Variants in ZNF106 observed in about 807,000 individuals in gnomAD.
ZNF106 encodes zinc finger protein 106.
ZNF106 carries 67 observed loss-of-function variants against 195.1 expected under a neutral mutation model. That is an observed-to-expected ratio of 0.34 (90% CI 0.28 to 0.42). ZNF106 has a LOEUF of 0.42. Ranked by LOEUF, ZNF106 falls within the 10% of genes least tolerant of loss-of-function variation. The probability of loss-of-function intolerance (pLI) is 1.00; values close to 1 mark genes in which losing one functional copy is unlikely to be tolerated. For synonymous variants in ZNF106, 784 were observed against 818.6 expected, an observed-to-expected ratio of 0.96 and a Z score of 0.72; for missense variants, 2,118 against 2,304.5, an observed-to-expected ratio of 0.92 and a Z score of 1.66.
At chr15:42,465,479 G>A (rs965716189) in intron 3 of ZNF106, among the ~76,000 whole-genome samples, 4 of 150,236 alleles carry the variant, frequency 2.7e-5, no homozygotes, top group Non-Finnish European at 3.0e-5. Flanking sequence ...GTCTTTCTAC[G>A]TTGCCCAGGC....
chr15:42,439,844 CT>C, intron 10 of ZNF106, 31 bp from the exon 11 acceptor site: 3 of 1,493,232 alleles, frequency 2.0e-6, no homozygotes, highest in Non-Finnish European at 2.7e-6. Flanking sequence ...TTATTGCATC[CT>C]TTTTTGTGTT....
chr15:42,435,463 A>C lies in ZNF106; in HGVS notation c.4802T>G (p.Leu1601Arg). ...EGHTSKVNCL[L>R]VTQTSGKNAA... is the part of the protein sequence containing the mutation. ...ATTCTTCCCGGAGGTCTGAGTAACC[A>C]GGAGGCAGTTAACTTTGGAGGTATG... is the stretch of plus-strand genomic sequence containing the variant. Residue 1601 changes from leucine (L) to arginine (R), a missense_variant, in exon 14 of 22, where the codon CTG becomes CGG. By Grantham distance (102) the Leu-to-Arg change is moderately radical. Transcript: ENST00000564754. 1 of 1,614,240 alleles carries C rather than the reference A, an allele frequency of 6.2e-7. No homozygotes were observed. Among genetic ancestry groups the C allele is most frequent in the Non-Finnish European group, 8.5e-7 (1 of 1,180,042 alleles).
chr15:42,489,667 AG>A (rs1157896353), intron 1 of ZNF106, among the ~76,000 whole-genome samples: 7 of 152,354 alleles, frequency 4.6e-5, no homozygotes, highest in African/African-American at 1.4e-4. Flanking sequence ...ACCAAACTTG[AG>A]AACGGGGCTT....
chr15:42,438,902 A>G lies in ZNF106; in HGVS notation c.4544+131T>C, dbSNP rs534178398. 51 of 1,090,564 alleles carry G rather than the reference A, an allele frequency of 4.7e-5. No homozygotes were observed. The Admixed American group carries it at 1.1e-3, about 24-fold the overall frequency. The allele number at this position is 1,090,564 out of a possible 1,614,324, so 67.6% of individuals were successfully genotyped here. Reference sequence around the variant, plus strand: ...TCTACTGCTGAGCTTTAATTTTTCCATATCCACAATCTCTACTGCATTCAC... The same window carrying G: ...TCTACTGCTGAGCTTTAATTTTTCCGTATCCACAATCTCTACTGCATTCAC... On this transcript the variant is annotated intron_variant, in intron 11 of 21. Transcript: ENST00000564754.
At chr15:42,433,341 G>A (rs1249759982) in intron 14 of ZNF106, among the ~76,000 whole-genome samples, 1 of 151,838 alleles carries the variant, frequency 6.6e-6, no homozygotes, top group Non-Finnish European at 1.5e-5. Flanking sequence ...TCCTGACCTC[G>A]TGATCCGCCC....
intron 2 of ZNF106, among the ~76,000 whole-genome samples, chr15:42,471,069 C>G (rs2056654397): frequency 6.6e-6 from 1 of 152,160 alleles, no homozygotes; most frequent in Non-Finnish European, 1.5e-5. Flanking sequence ...AATTACAGTC[C>G]TGCTATTCCC....
At chr15:42,421,816 C>A in intron 19 of ZNF106, 101 bp downstream of exon 19, 1 of 899,744 alleles carries the variant, frequency 1.1e-6, no homozygotes, top group Non-Finnish European at 1.6e-6. Context: ...AGGTACTTAA[C>A]AATGAGGCAT....
chr15:42,432,429 A>G (rs2055083470), intron 14 of ZNF106, among the ~76,000 whole-genome samples: 1 of 152,160 alleles, frequency 6.6e-6, no homozygotes, highest in Non-Finnish European at 1.5e-5. Flanking sequence ...AAAGTGGGAT[A>G]CAGGCATGAG....
rs774781025 is a variant in ZNF106 at position 42,484,933 on chromosome 15, C to T, written c.-33+6047G>A. 9.2e-5 allele frequency among the ~76,000 whole-genome samples: 14 copies of T among 152,204 alleles called. No individual in the cohort carries two copies. The East Asian group carries it at 1.4e-3, about 15-fold the overall frequency. ...CCAGCACCTGGGAAGCGGAGGCGGG[C>T]GGATCGGTAGAGTCCAGGAGTTCAA... On this transcript the variant is annotated intron_variant, in intron 1 of 21. Coordinates refer to ENST00000564754, the MANE Select transcript of ZNF106 (RefSeq NM_001366845.3).
At chr15:42,445,364 T>G (rs1193005345) in intron 7 of ZNF106, among the ~76,000 whole-genome samples, 2 of 152,218 alleles carry the variant, frequency 1.3e-5, no homozygotes, top group African/African-American at 2.4e-5. Context: ...ACTCTAGACC[T>G]AGACTGCTTG....
At chr15:42,470,276 A>G (rs2056635483) in intron 2 of ZNF106, among the ~76,000 whole-genome samples, 1 of 152,174 alleles carries the variant, frequency 6.6e-6, no homozygotes, top group Admixed American at 6.5e-5. Flanking sequence ...TTTCTCCTCC[A>G]TAGTTTATTT....
chr15:42,483,384 C>A (rs926746957), intron 1 of ZNF106, among the ~76,000 whole-genome samples: 1 of 152,146 alleles, frequency 6.6e-6, no homozygotes, highest in African/African-American at 2.4e-5. Context: ...GAAGACATAT[C>A]CTCCATCATG....
chr15:42,446,406 C>CAG, intron 7 of ZNF106, among the ~76,000 whole-genome samples, 183 bp downstream of exon 7: 1 of 152,160 alleles, frequency 6.6e-6, no homozygotes, highest in South Asian at 2.1e-4. Flanking sequence ...TATAGCTAGA[C>CAG]CCTGTCTCTA....
At position 42,449,647 on chromosome 15, in the gene ZNF106, T is replaced by C. The variant is rs746103831; in HGVS notation, c.2501+124A>G. 181 of 1,302,460 alleles carry C rather than the reference T, an allele frequency of 1.4e-4. No homozygotes were observed. The highest frequency in any genetic ancestry group is 1.9e-4 in the Non-Finnish European group (176 of 948,748). 80.7% of individuals were successfully genotyped at this position (1,302,460 alleles called of 1,614,324 possible). ...CACTATTTGATATTAAATCAAGACATCTACAACAGATATTGTTGGCAAACA... is the reference window on the plus strand; with the variant it reads ...CACTATTTGATATTAAATCAAGACACCTACAACAGATATTGTTGGCAAACA... On this transcript the variant is annotated intron_variant, in intron 5 of 21. Transcript: ENST00000564754.
At chr15:42,471,543 C>T (rs2056668973) in intron 2 of ZNF106, among the ~76,000 whole-genome samples, 1 of 152,094 alleles carries the variant, frequency 6.6e-6, no homozygotes, top group Non-Finnish European at 1.5e-5. Flanking sequence ...CCAGCCTGTG[C>T]AACATGGTGA....
chr15:42,457,007 A>C lies in ZNF106; in HGVS notation c.268T>G (p.Phe90Val). The C allele has an allele frequency of 2.5e-6, 4 of 1,611,716 alleles. No homozygotes were observed. Among genetic ancestry groups the C allele is most frequent in the Non-Finnish European group, 2.5e-6 (3 of 1,178,612 alleles). Reference protein sequence around the residue: ...GKGEEEEEDYFDKELIQLIKQ... With the variant: ...GKGEEEEEDYVDKELIQLIKQ... ...ATTAACTGAATGAGTTCCTTGTCAA[A>C]ATAATCTTCTTCCTCTTCCTCTCCT... Residue 90 changes from phenylalanine (F) to valine (V), a missense_variant, in exon 4 of 22, where the codon TTT becomes GTT. By Grantham distance (50) the Phe-to-Val change is conservative. Transcript: ENST00000564754.
Position 42,422,609 on chromosome 15 carries a change from G to A in ZNF106, c.5265C>T (p.Leu1755=), listed in dbSNP as rs138934970. The change falls in exon 18 of 22, where the codon CTC becomes CTT. Residue 1755 remains leucine (L), a synonymous_variant. Transcript: ENST00000564754. ...VHAHNIHTGE[L]VRIYKGHNHA... The stretch of plus-strand genomic sequence containing the variant: ...GATTGTGACCTTTATAGATCCGCAC[G>A]AGCTCACCAGTCTATGTCAGAAGAG... 758 of 1,610,838 alleles carry A rather than the reference G, an allele frequency of 4.7e-4. 2 individuals carry two copies. The highest frequency in any genetic ancestry group is 5.2e-4 in the African/African-American group (39 of 74,780).
chr15:42,434,485 T>C (rs1267587294), intron 14 of ZNF106, among the ~76,000 whole-genome samples: 1 of 152,196 alleles, frequency 6.6e-6, no homozygotes, highest in Non-Finnish European at 1.5e-5. Context: ...TTCAAATTAA[T>C]ACTTATTCCC....
chr15:42,421,273 G>A, intron 19 of ZNF106, 141 bp from the exon 20 acceptor site: 1 of 755,798 alleles, frequency 1.3e-6, no homozygotes, highest in Non-Finnish European at 2.2e-6. Context: ...GCAGGAGAAT[G>A]GGAAAGTATT....
Sources: allele counts gnomAD v4.1 joint callset (sites outside exome capture counted in the v4.1 genomes callset), GRCh38; gene constraint gnomAD v4.1.1; transcripts MANE v1.5; gene names NCBI Gene and HGNC (gene_info 2026-07-23, HGNC 2026-07-21).